The following DNAH14 variants were observed in gnomAD, a reference collection of about 807,000 sequenced individuals.
DNAH14 encodes dynein axonemal heavy chain 14.
Under a neutral mutation model 520.9 loss-of-function variants are expected in DNAH14, and 478 were observed. That is an observed-to-expected ratio of 0.92 (90% CI 0.85 to 0.99). DNAH14 has a LOEUF of 0.99. DNAH14 is among the 50% of genes least tolerant of loss of function. The probability of loss-of-function intolerance (pLI) is 0.00; values close to 1 mark genes in which losing one functional copy is unlikely to be tolerated. For synonymous variants in DNAH14, 1,581 were observed against 1,757.2 expected, an observed-to-expected ratio of 0.90 and a Z score of 2.51; for missense variants, 4,831 against 5,234.5, an observed-to-expected ratio of 0.92 and a Z score of 2.38.
At chr1:225,378,988 G>A (rs1275383364) in intron 79 of DNAH14, among the ~76,000 whole-genome samples, 1 of 152,096 alleles carries the variant, frequency 6.6e-6, no homozygotes, top group Non-Finnish European at 1.5e-5. Flanking sequence ...AACTGTCTAA[G>A]GAGGTCCTCC....
At chr1:225,239,630 G>A (rs1379277026) in intron 42 of DNAH14, among the ~76,000 whole-genome samples, 1 of 152,110 alleles carries the variant, frequency 6.6e-6, no homozygotes, top group Non-Finnish European at 1.5e-5. Context: ...CAGCCATCTT[G>A]GCCCCTTGAC....
At chr1:225,393,810 TTTTG>T (rs2095957158) in intron 84 of DNAH14, among the ~76,000 whole-genome samples, 2 of 144,686 alleles carry the variant, frequency 1.4e-5, no homozygotes, top group African/African-American at 2.7e-5. Context: ...ATATATCTTT[TTTTG>T]TTTTTTTTTT....
intron 77 of DNAH14, among the ~76,000 whole-genome samples, chr1:225,371,751 A>G (rs1309400750): frequency 6.6e-6 from 1 of 152,176 alleles, no homozygotes; most frequent in Non-Finnish European, 1.5e-5. Flanking sequence ...AGAGCAATAA[A>G]GCCTCCCTGG....
At chr1:225,013,942 C>T (rs1028106789) in intron 10 of DNAH14, among the ~76,000 whole-genome samples, 1 of 152,136 alleles carries the variant, frequency 6.6e-6, no homozygotes, top group African/African-American at 2.4e-5. Context: ...CTGGCTACAT[C>T]CCCCTTTCTA....
intron 56 of DNAH14, 114 bp downstream of exon 56, chr1:225,301,144 T>G: frequency 8.2e-7 from 1 of 1,216,694 alleles, no homozygotes; most frequent in Non-Finnish European, 1.1e-6. Flanking sequence ...TTATATGAGT[T>G]TTTAAGGTAA....
chr1:225,159,071 C>T (rs938398203), intron 34 of DNAH14, among the ~76,000 whole-genome samples: 1 of 152,118 alleles, frequency 6.6e-6, no homozygotes, highest in Non-Finnish European at 1.5e-5. Context: ...TGATACAGTA[C>T]CTTTCTCTGA....
intron 3 of DNAH14, among the ~76,000 whole-genome samples, chr1:224,958,716 A>C (rs1185009587): frequency 6.6e-6 from 1 of 152,102 alleles, no homozygotes; most frequent in Non-Finnish European, 1.5e-5. Context: ...TAGTGATGGG[A>C]GGACATCTAG....
intron 44 of DNAH14, among the ~76,000 whole-genome samples, chr1:225,255,600 T>C (rs1037713704): frequency 2.0e-5 from 3 of 152,172 alleles, no homozygotes; most frequent in Admixed American, 1.3e-4. Context: ...AATCCCTGAG[T>C]AGTCTCCCAG....
At chr1:224,944,393 G>C (rs1178176047) in intron 1 of DNAH14, among the ~76,000 whole-genome samples, 2 of 152,034 alleles carry the variant, frequency 1.3e-5, no homozygotes, top group East Asian at 1.9e-4. Context: ...GTCTCTGCAC[G>C]TGAGATGGGT....
At chr1:225,358,683 G>T in intron 74 of DNAH14, 31 bp downstream of exon 74, 3 of 1,538,274 alleles carry the variant, frequency 2.0e-6, no homozygotes, top group Non-Finnish European at 1.7e-6. Context: ...TAAGATGATC[G>T]ATATGGTTTG....
At position 224,977,777 on chromosome 1, in the gene DNAH14, A is replaced by T. The variant is rs114877240; in HGVS notation, c.830+3624A>T. Among the ~76,000 whole-genome samples the T allele has an allele frequency of 4.7e-3, 720 of 152,360 alleles. 4 individuals are homozygous for T. The highest frequency in any genetic ancestry group is 0.016 in the African/African-American group (677 of 41,588). On this transcript the variant is annotated intron_variant, in intron 8 of 85. Transcript: ENST00000682510. ...AAAATATTTGCCAACTGTTCATTCT[A>T]TAAGGGATTAATATGCAGAATATAA... is the stretch of plus-strand genomic sequence containing the variant.
chr1:225,062,462 A>T (rs2070290299), intron 17 of DNAH14, among the ~76,000 whole-genome samples: 1 of 152,106 alleles, frequency 6.6e-6, no homozygotes, highest in Admixed American at 6.5e-5. Context: ...GACTGCAAAT[A>T]TGTACAGGGA....
Position 225,282,751 on chromosome 1 carries a change from G to A in DNAH14, c.8271+5249G>A, listed in dbSNP as rs377582326. Among the ~76,000 whole-genome samples the A allele has an allele frequency of 1.1e-4, 16 of 152,356 alleles. No individual in the cohort carries two copies. In the East Asian group the frequency reaches 3.1e-3, roughly 29 times the overall value. The stretch of plus-strand genomic sequence containing the variant: ...CATTACTGAGGGTTGCTAAGGGAGA[G>A]TTTGATAGTTACTGCAGGGGCAAAC... On this transcript the variant is annotated intron_variant, in intron 54 of 85. Transcript: ENST00000682510.
intron 1 of DNAH14, among the ~76,000 whole-genome samples, chr1:224,947,236 G>T (rs2059904209): frequency 6.6e-6 from 1 of 152,096 alleles, no homozygotes; most frequent in Admixed American, 6.5e-5. Flanking sequence ...ATTTGGTACT[G>T]TTTCTGTGAT....
At chr1:224,971,839 G>A (rs2061519164) in intron 7 of DNAH14, among the ~76,000 whole-genome samples, 1 of 152,202 alleles carries the variant, frequency 6.6e-6, no homozygotes, top group East Asian at 1.9e-4. Context: ...GTCACATGTA[G>A]TGTAGATGAC....
At position 225,331,443 on chromosome 1, in the gene DNAH14, GA is replaced by G. The variant is rs1173755135; in HGVS notation, c.9732del (p.Glu3244AspfsTer20). On this transcript the variant is annotated frameshift_variant, in exon 65 of 86. Transcript: ENST00000682510. LOFTEE classifies it high-confidence loss of function. ...TGAATTAATTATCTTTCAGGTTGAAGAACATTTGCTGTTTTTACAGGCAGCT... is the reference window on the plus strand; with the variant it reads ...TGAATTAATTATCTTTCAGGTTGAAGACATTTGCTGTTTTTACAGGCAGCT... ...EKQRGLQLVE[E>X]HLLFLQAAYK... 5.2e-6 allele frequency: 8 copies of G among 1,549,784 alleles called. No homozygotes were observed. In the African/African-American group the frequency reaches 1.1e-4, roughly 21 times the overall value.
rs1491132597 is a variant in DNAH14, at chr1:225,276,975, A to AAGGG, written c.8179-432_8179-431insGAGG. Reference sequence around the variant, plus strand: ...GAAGGAAGGAAGGAAGGAAGGAAGGAAGGAAGGAAGGGAGGGAGGAAGGAA... The same window carrying AAGGG: ...GAAGGAAGGAAGGAAGGAAGGAAGGAAGGGAGGAAGGAAGGGAGGGAGGAAGGAA... On this transcript the variant is annotated intron_variant, in intron 53 of 85. Coordinates refer to ENST00000682510, the MANE Select transcript of DNAH14 (RefSeq NM_001367479.1). 2.3e-3 allele frequency among the ~76,000 whole-genome samples: 141 copies of AAGGG among 61,438 alleles called. 8 individuals are homozygous for AAGGG. The highest frequency in any genetic ancestry group is 0.012 in the African/African-American group (137 of 11,854). 40.3% of individuals were successfully genotyped at this position (61,438 alleles called of 152,430 possible).
intron 27 of DNAH14, among the ~76,000 whole-genome samples, chr1:225,129,383 A>C (rs1390663276): frequency 6.6e-6 from 1 of 151,688 alleles, no homozygotes. Flanking sequence ...CAAAAGAACA[A>C]AGCTGGAGGC....
At chr1:225,102,737 G>C (rs1358826174) in intron 23 of DNAH14, among the ~76,000 whole-genome samples, 1 of 152,106 alleles carries the variant, frequency 6.6e-6, no homozygotes, top group Non-Finnish European at 1.5e-5. Flanking sequence ...TGATGGGGTT[G>C]TTTGTTTTTT....
Sources: allele counts gnomAD v4.1 joint callset (sites outside exome capture counted in the v4.1 genomes callset), GRCh38; gene constraint gnomAD v4.1.1; transcripts MANE v1.5; gene names NCBI Gene and HGNC (gene_info 2026-07-23, HGNC 2026-07-21).